Variants in FRYL observed in about 807,000 individuals in gnomAD.
The protein encoded by FRYL is FRY like transcription coactivator, also known as protein furry homolog-like.
In FRYL, 150 loss-of-function variants were observed where a neutral mutation model predicts 351.2. That is an observed-to-expected ratio of 0.43 (90% CI 0.37 to 0.49). The LOEUF is 0.49. FRYL is among the 20% of genes least tolerant of loss of function. The probability of loss-of-function intolerance (pLI) is 0.00; values close to 1 mark genes in which losing one functional copy is unlikely to be tolerated. For synonymous variants in FRYL, 1,153 were observed against 1,257.1 expected (o/e 0.92, Z 1.75); for missense variants, 3,036 against 3,619.3 (o/e 0.84, Z 4.13).
chr4:48,527,384 C>T, intron 53 of FRYL, 93 bp downstream of exon 53: 2 of 1,002,982 alleles, frequency 2.0e-6, no homozygotes, highest in Admixed American at 2.4e-5. Context: ...TTTGACCTTA[C>T]ACTGACCTCA....
Position 48,678,974 on chromosome 4 carries a change from AAAGT to A in FRYL, c.-81+5695_-81+5698del, listed in dbSNP as rs1173509959. Reference sequence around the variant, plus strand: ...AAAAAAAAGAACCAGTTAAGAGATAAAAGTAAGGAGCCATATAAATAGGCATACC... The same window carrying A: ...AAAAAAAAGAACCAGTTAAGAGATAAAAGGAGCCATATAAATAGGCATACC... On this transcript the variant is annotated intron_variant, in intron 3 of 63. Transcript: ENST00000358350. Among the ~76,000 whole-genome samples the A allele has an allele frequency of 9.9e-5, 15 of 152,284 alleles. 1 individual carries two copies. Among genetic ancestry groups the A allele is most frequent in the African/African-American group, 3.4e-4 (14 of 41,576 alleles).
intron 49 of FRYL, among the ~76,000 whole-genome samples, chr4:48,534,098 T>C (rs1278364318): frequency 1.3e-5 from 2 of 152,090 alleles, no homozygotes; most frequent in African/African-American, 4.8e-5. Context: ...TGGTGGTACA[T>C]GCCTGTAATC....
At chr4:48,779,545 C>G (rs1176997133) in intron 1 of FRYL, among the ~76,000 whole-genome samples, 1 of 151,918 alleles carries the variant, frequency 6.6e-6, no homozygotes. Context: ...CGCCGGGGCC[C>G]GCCAGCCGCC....
At chr4:48,615,597 G>C (rs1314707266) in intron 7 of FRYL, among the ~76,000 whole-genome samples, 5 of 152,122 alleles carry the variant, frequency 3.3e-5, no homozygotes, top group Non-Finnish European at 7.4e-5. Flanking sequence ...TTTTAGTTGG[G>C]CATTACCCCA....
intron 2 of FRYL, among the ~76,000 whole-genome samples, chr4:48,699,671 C>A (rs899933419): frequency 6.6e-6 from 1 of 152,088 alleles, no homozygotes; most frequent in African/African-American, 2.4e-5. Flanking sequence ...AGTAAACAAG[C>A]CCTACCTGTG....
intron 25 of FRYL, 144 bp downstream of exon 25, chr4:48,574,973 G>T: frequency 1.8e-6 from 1 of 563,406 alleles, no homozygotes; most frequent in Non-Finnish European, 3.1e-6. Flanking sequence ...AATGTTACAT[G>T]GCTAGTTAAT....
intron 1 of FRYL, among the ~76,000 whole-genome samples, chr4:48,772,679 C>CAAAAAAAAAAAAAAAAAAAAAAAAA (rs33926702): frequency 4.0e-5 from 2 of 50,266 alleles, no homozygotes; most frequent in Admixed American, 3.2e-4. Context: ...AGAGACCTAC[C>CAAAAAAAAAAAAAAAAAAAAAAAAA]AAAAAAAAAA....
At chr4:48,707,968 G>A (rs1407012153) in intron 2 of FRYL, among the ~76,000 whole-genome samples, 1 of 151,348 alleles carries the variant, frequency 6.6e-6, no homozygotes, top group African/African-American at 2.4e-5. Context: ...CTATAGGCAC[G>A]TGCCACCACA....
At chr4:48,638,551 A>C (rs552486294) in intron 3 of FRYL, 2 of 152,298 alleles carry the variant, frequency 1.3e-5, no homozygotes, top group Admixed American at 1.3e-4. Context: ...CAGTATGGCA[A>C]TTCCTCAAGG....
chr4:48,678,507 CAAAAA>C (rs10639089), intron 3 of FRYL, among the ~76,000 whole-genome samples: 7 of 71,770 alleles, frequency 9.8e-5, no homozygotes, highest in South Asian at 6.2e-4. Context: ...AACTCCATCT[CAAAAA>C]AAAAAAAAAA....
intron 49 of FRYL, 84 bp downstream of exon 49, chr4:48,534,461 G>A (rs1050020924): frequency 6.6e-6 from 7 of 1,054,884 alleles, no homozygotes; most frequent in African/African-American, 6.5e-5. Flanking sequence ...CCCATTCTTC[G>A]ACATTTAAGG....
intron 1 of FRYL, among the ~76,000 whole-genome samples, chr4:48,772,922 C>T (rs1446691691): frequency 1.3e-5 from 2 of 152,194 alleles, no homozygotes. Context: ...GTGTATCTTA[C>T]AACTACTGTC....
intron 3 of FRYL, among the ~76,000 whole-genome samples, chr4:48,662,972 AAAG>A (rs1191369692): frequency 6.6e-6 from 1 of 152,184 alleles, no homozygotes; most frequent in East Asian, 1.9e-4. Context: ...AAAAAATAAA[AAAG>A]AAGTTCTTCA....
chr4:48,636,435 A>C (rs1413391862), intron 3 of FRYL, among the ~76,000 whole-genome samples: 1 of 152,102 alleles, frequency 6.6e-6, no homozygotes, highest in Non-Finnish European at 1.5e-5. Flanking sequence ...AGAACCTTAT[A>C]ACTAACCTAG....
intron 3 of FRYL, among the ~76,000 whole-genome samples, chr4:48,661,389 C>T (rs370418834): frequency 2.0e-5 from 3 of 152,268 alleles, no homozygotes; most frequent in South Asian, 2.1e-4. Context: ...CTACAAGCAC[C>T]TCAACTTCTG....
At chr4:48,508,710 A>T (rs1317990972) in intron 59 of FRYL, among the ~76,000 whole-genome samples, 1 of 152,138 alleles carries the variant, frequency 6.6e-6, no homozygotes. Flanking sequence ...TTGCACACTG[A>T]CTGTCAATGG....
intron 43 of FRYL, among the ~76,000 whole-genome samples, chr4:48,544,534 AATTGT>A (rs1730927280): frequency 6.6e-6 from 1 of 152,278 alleles, no homozygotes; most frequent in African/African-American, 2.4e-5. Flanking sequence ...CATAATACGC[AATTGT>A]ATTGTAATTT....
chr4:48,625,693 A>G (rs1751649172), intron 4 of FRYL, among the ~76,000 whole-genome samples: 1 of 152,180 alleles, frequency 6.6e-6, no homozygotes, highest in African/African-American at 2.4e-5. Flanking sequence ...GAATTTTGAT[A>G]TCCAAGGGAG....
chr4:48,715,044 C>G (rs905412065), intron 1 of FRYL, among the ~76,000 whole-genome samples: 2 of 152,160 alleles, frequency 1.3e-5, no homozygotes, highest in African/African-American at 2.4e-5. Flanking sequence ...TCAATAGATG[C>G]AGAACAGGCC....
Sources: allele counts gnomAD v4.1 joint callset (sites outside exome capture counted in the v4.1 genomes callset), GRCh38; gene constraint gnomAD v4.1.1; transcripts MANE v1.5; gene names NCBI Gene and HGNC (gene_info 2026-07-23, HGNC 2026-07-21).